Variants in STK3 observed in about 807,000 individuals in gnomAD.
STK3 encodes serine/threonine-protein kinase 3.
STK3 carries 41 observed loss-of-function variants against 58.0 expected under a neutral mutation model. That is an observed-to-expected ratio of 0.71 (90% CI 0.55 to 0.92). The LOEUF (loss-of-function observed/expected upper bound fraction) is 0.92, where lower values mean the gene tolerates loss of function less well. Ranked by LOEUF, STK3 falls within the 40% of genes least tolerant of loss-of-function variation. The pLI is 0.00. For missense variants in STK3, 479 were observed against 602.7 expected, an observed-to-expected ratio of 0.79 and a Z score of 2.15; for synonymous variants, 170 against 191.0, an observed-to-expected ratio of 0.89 and a Z score of 0.91.
At chr8:98,365,032 C>G in the STK3 span, among the ~76,000 whole-genome samples, 1 of 152,198 alleles carries the variant, frequency 6.6e-6, no homozygotes, top group Non-Finnish European at 1.5e-5. Flanking sequence ...TCCGCTGTTG[C>G]TGGTCCCCAG....
intron 4 of STK3, among the ~76,000 whole-genome samples, chr8:98,736,786 A>G (rs2131276980): frequency 6.6e-6 from 1 of 152,304 alleles, no homozygotes; most frequent in Middle Eastern, 3.4e-3. Context: ...TCCCTAAATC[A>G]TCACATAATT....
At chr8:98,705,900 A>AGTTCACAGAAGCATATAATGAT (rs1174979222) in intron 6 of STK3, among the ~76,000 whole-genome samples, 2 of 152,196 alleles carry the variant, frequency 1.3e-5, no homozygotes, top group African/African-American at 2.4e-5. Context: ...TATCCTGCAG[A>AGTTCACAGAAGCATATAATGAT]GTTCACAGAA....
At chr8:98,708,101 T>G (rs1826094436) in intron 4 of STK3, among the ~76,000 whole-genome samples, 1 of 150,868 alleles carries the variant, frequency 6.6e-6, no homozygotes. Flanking sequence ...ATCACATCAC[T>G]GCATGCCAGC....
chr8:98,861,778 T>C (rs1836947269), intron 3 of STK3, among the ~76,000 whole-genome samples: 1 of 152,216 alleles, frequency 6.6e-6, no homozygotes, highest in Non-Finnish European at 1.5e-5. Context: ...ATGAGGCACT[T>C]GCAGCTTTTG....
intron 1 of STK3, among the ~76,000 whole-genome samples, chr8:98,915,470 A>ATATATATATATATATATG (rs1839314010): frequency 7.3e-6 from 1 of 136,138 alleles, no homozygotes; most frequent in Non-Finnish European, 1.6e-5. Flanking sequence ...ATATATATAT[A>ATATATATATATATATATG]GTTCTGTCCT....
At chr8:98,352,643 C>T in the STK3 span, among the ~76,000 whole-genome samples, 1 of 152,124 alleles carries the variant, frequency 6.6e-6, no homozygotes, top group Non-Finnish European at 1.5e-5. Flanking sequence ...AAGACAAAAA[C>T]TGTAATTAAT....
rs563259346 is a variant in STK3, at chr8:98,804,329, A to G, written c.26+21186T>C. 3.9e-5 allele frequency among the ~76,000 whole-genome samples: 6 copies of G among 152,324 alleles called. No homozygotes were observed. The East Asian group carries it at 1.2e-3, about 29-fold the overall frequency. ...ACAAGCATTTTCTTATTTAATCCCT[A>G]TAACAATCTTTTTGGTAGTTACTAC... On this transcript the variant is annotated intron_variant, in intron 1 of 10. Coordinates refer to ENST00000419617, the MANE Select transcript of STK3 (RefSeq NM_006281.4).
intron 9 of STK3, among the ~76,000 whole-genome samples, chr8:98,531,559 A>G (rs1479161069): frequency 6.6e-6 from 1 of 152,218 alleles, no homozygotes; most frequent in Admixed American, 6.5e-5. Context: ...AGGATTTTCA[A>G]AACAGTAAAT....
chr8:98,475,715 A>T (rs1821256282), intron 10 of STK3, among the ~76,000 whole-genome samples: 1 of 152,256 alleles, frequency 6.6e-6, no homozygotes, highest in South Asian at 2.1e-4. Flanking sequence ...AGTTTAAAGA[A>T]GTGAAACAAA....
At chr8:98,448,598 A>C (rs796212394) in intron 1 of STK3, among the ~76,000 whole-genome samples, 2 of 152,350 alleles carry the variant, frequency 1.3e-5, no homozygotes, top group African/African-American at 4.8e-5. Flanking sequence ...GGTTTTATTT[A>C]GCTTCCACTC....
At chr8:98,612,948 T>C (rs1817319297) in intron 6 of STK3, among the ~76,000 whole-genome samples, 1 of 152,224 alleles carries the variant, frequency 6.6e-6, no homozygotes, top group Non-Finnish European at 1.5e-5. Flanking sequence ...AAGTAGAACC[T>C]GTACTTCCTC....
chr8:98,811,596 TAAA>T (rs567178137), intron 1 of STK3, among the ~76,000 whole-genome samples: 3 of 140,544 alleles, frequency 2.1e-5, no homozygotes, highest in Admixed American at 7.1e-5. Context: ...TGAATACTGT[TAAA>T]AAAAAAAAAA....
At chr8:98,683,416 C>T (rs1823771262) in intron 6 of STK3, among the ~76,000 whole-genome samples, 1 of 151,970 alleles carries the variant, frequency 6.6e-6, no homozygotes, top group South Asian at 2.1e-4. Context: ...ATTAACACCA[C>T]AGAAGTATCT....
chr8:98,737,617 A>G (rs996197893), intron 4 of STK3, among the ~76,000 whole-genome samples: 4 of 152,276 alleles, frequency 2.6e-5, no homozygotes, highest in African/African-American at 9.6e-5. Flanking sequence ...TTAGCCGACT[A>G]GAAAATATAA....
intron 6 of STK3, among the ~76,000 whole-genome samples, chr8:98,704,110 T>C (rs56290864): frequency 0.036 from 5,485 of 152,290 alleles, 117 homozygotes; most frequent in South Asian, 0.06. Context: ...AAGGCTCTTT[T>C]CAAAGAACAT....
intron 10 of STK3, among the ~76,000 whole-genome samples, chr8:98,473,322 T>G (rs1201931947): frequency 6.6e-6 from 1 of 152,198 alleles, no homozygotes; most frequent in Non-Finnish European, 1.5e-5. Flanking sequence ...GAAACCTATC[T>G]ACACAGTTAG....
the STK3 span, among the ~76,000 whole-genome samples, chr8:98,355,035 C>T: frequency 1.3e-5 from 2 of 152,202 alleles, no homozygotes; most frequent in Admixed American, 1.3e-4. Context: ...CTGGGATCAA[C>T]CTCCCAAAGT....
chr8:98,942,347 C>G (rs920012498), intron 1 of STK3: 19 of 152,268 alleles, frequency 1.2e-4, no homozygotes, highest in Admixed American at 8.5e-4. Context: ...GCGGCATCCC[C>G]CAAAGCTGGA....
rs541701600 is a variant in STK3 at position 98,508,404 on chromosome 8, G to A, written c.1317+18338C>T. On this transcript the variant is annotated intron_variant, in intron 10 of 10. Coordinates refer to ENST00000419617, the MANE Select transcript of STK3 (RefSeq NM_006281.4). The stretch of plus-strand genomic sequence containing the variant: ...TTGTATGATTCTACTTACACAAAAT[G>A]TCAAGACAGGCAAATCCACAGAGAC... Among the ~76,000 whole-genome samples, 4 of 152,232 alleles carry A rather than the reference G, an allele frequency of 2.6e-5. No homozygotes were observed. In the South Asian group the frequency reaches 8.3e-4, roughly 32 times the overall value.
Sources: allele counts gnomAD v4.1 joint callset (sites outside exome capture counted in the v4.1 genomes callset), GRCh38; gene constraint gnomAD v4.1.1; transcripts MANE v1.5; gene names NCBI Gene and HGNC (gene_info 2026-07-23, HGNC 2026-07-21).